Variants in MARCHF6 observed in about 807,000 individuals in gnomAD.
MARCHF6 encodes membrane associated ring-CH-type finger 6.
In MARCHF6, 31 loss-of-function variants were observed where a neutral mutation model predicts 133.7. The observed-to-expected ratio is 0.23, with a 90% CI of 0.17 to 0.31. MARCHF6 has a LOEUF of 0.31. Ranked by LOEUF, MARCHF6 falls within the 10% of genes least tolerant of loss-of-function variation. The probability of loss-of-function intolerance (pLI) is 1.00; values close to 1 mark genes in which losing one functional copy is unlikely to be tolerated. For missense variants in MARCHF6, 723 were observed against 1,121.6 expected, an observed-to-expected ratio of 0.64 and a Z score of 5.08; for synonymous variants, 395 against 402.5, an observed-to-expected ratio of 0.98 and a Z score of 0.22.
chr5:10,411,742 C>T (rs1739243889), intron 19 of MARCHF6, among the ~76,000 whole-genome samples: 1 of 152,196 alleles, frequency 6.6e-6, no homozygotes, highest in South Asian at 2.1e-4. Flanking sequence ...TCCCTGGGCT[C>T]TTGCTCCCTA....
At chr5:10,383,060 G>A (rs1018662106) in intron 4 of MARCHF6, among the ~76,000 whole-genome samples, 1 of 152,076 alleles carries the variant, frequency 6.6e-6, no homozygotes, top group Non-Finnish European at 1.5e-5. Flanking sequence ...TAAACTAAAT[G>A]TTTAATTAGT....
rs1166622418 is a variant in MARCHF6, at chr5:10,438,723, G to A, written c.*5039G>A. 1 of 152,224 alleles carries A rather than the reference G, an allele frequency of 6.6e-6. No homozygotes were observed. 9.4% of individuals were successfully genotyped at this position (152,224 alleles called of 1,614,324 possible). A position where few individuals can be genotyped will look rare whatever the true frequency, so the allele number is the denominator to read the frequency against. On this transcript the variant is annotated 3_prime_UTR_variant, in exon 26 of 26. Coordinates refer to ENST00000274140, the MANE Select transcript of MARCHF6 (RefSeq NM_005885.4). ...GGAACTCAGAATGGAACAGAAGCAT[G>A]AGCAAAAGATTGTATTACAGAGGTA...
intron 10 of MARCHF6, among the ~76,000 whole-genome samples, chr5:10,398,698 T>C (rs1164444417): frequency 6.6e-6 from 1 of 152,188 alleles, no homozygotes; most frequent in Non-Finnish European, 1.5e-5. Context: ...AAACATGAAT[T>C]ATACAAATAA....
At chr5:10,379,020 CTG>C (rs1020025039) in intron 3 of MARCHF6, among the ~76,000 whole-genome samples, 188 bp downstream of exon 3, 10 of 151,892 alleles carry the variant, frequency 6.6e-5, no homozygotes, top group African/African-American at 2.2e-4. Flanking sequence ...TTTTGAAAAA[CTG>C]TATGCTGTCT....
chr5:10,414,602 G>C (rs1244525545), intron 20 of MARCHF6, 100 bp downstream of exon 20: 1 of 938,100 alleles, frequency 1.1e-6, no homozygotes, highest in Admixed American at 2.1e-5. Context: ...GAGGGTAGTA[G>C]TATGATCATA....
chr5:10,359,981 G>C (rs1028000891), intron 1 of MARCHF6, among the ~76,000 whole-genome samples: 1 of 151,852 alleles, frequency 6.6e-6, no homozygotes, highest in Admixed American at 6.6e-5. Context: ...ACTCCAGCCT[G>C]GGCAACAGAG....
In MARCHF6 at chr5:10,363,035, A is replaced by T. The variant is rs145972068; in HGVS notation, c.19+9118A>T. ...AGCTATAGCTTGTACCATATACCAA[A>T]ATTAACTCAAAGGGCTGTTAGACCT... On this transcript the variant is annotated intron_variant, in intron 1 of 25. Coordinates refer to ENST00000274140, the MANE Select transcript of MARCHF6 (RefSeq NM_005885.4). Among the ~76,000 whole-genome samples, 1,435 of 152,314 alleles carry T rather than the reference A, an allele frequency of 9.4e-3. 8 individuals are homozygous for T. Among genetic ancestry groups the T allele is most frequent in the South Asian group, 0.039 (187 of 4,830 alleles).
intron 14 of MARCHF6, among the ~76,000 whole-genome samples, 174 bp from the exon 15 acceptor site, chr5:10,403,233 A>T (rs183649968): frequency 1.3e-5 from 2 of 152,346 alleles, no homozygotes; most frequent in East Asian, 3.9e-4. Flanking sequence ...TATTTGAAGC[A>T]GTAGCCAATC....
At chr5:10,359,466 GCATATAATACAGTACGCAATA>G (rs1456507018) in intron 1 of MARCHF6, among the ~76,000 whole-genome samples, 1 of 151,982 alleles carries the variant, frequency 6.6e-6, no homozygotes, top group Non-Finnish European at 1.5e-5. Flanking sequence ...TAAGAATGCA[GCATATAATACAGTACGCAATA>G]CATATAATAC....
chr5:10,403,334 C>A, intron 14 of MARCHF6, 73 bp from the exon 15 acceptor site: 2 of 1,445,880 alleles, frequency 1.4e-6, no homozygotes, highest in Non-Finnish European at 9.4e-7. Flanking sequence ...TATTTATTTC[C>A]TAGAAGATGA....
intron 22 of MARCHF6, among the ~76,000 whole-genome samples, chr5:10,419,034 T>G (rs1476105944): frequency 6.6e-6 from 1 of 152,222 alleles, no homozygotes; most frequent in Admixed American, 6.5e-5. Context: ...CAGACCTGGC[T>G]TGAGACAAGG....
In MARCHF6 at chr5:10,414,445, A is replaced by G; in HGVS notation, c.1909A>G (p.Ile637Val). 6.2e-7 allele frequency: 1 copy of G among 1,611,350 alleles called. No homozygotes were observed. The highest frequency in any genetic ancestry group is 8.5e-7 in the Non-Finnish European group (1 of 1,178,196). The change falls in exon 20 of 26, where the codon ATT becomes GTT. Residue 637 changes from isoleucine to valine, a missense_variant. Physicochemically the swap from Ile to Val is conservative, Grantham distance 29. Coordinates refer to ENST00000274140, the MANE Select transcript of MARCHF6 (RefSeq NM_005885.4). The stretch of plus-strand genomic sequence containing the variant: ...TTTTACTTTGCAGATATTTCTGTTG[A>G]TTGTCTTCATGTGTATAACATTACT... The part of the protein sequence containing the change: ...LNFPLRIFLL[I>V]VFMCITLLIA...
chr5:10,379,615 C>T (rs1281417321), intron 3 of MARCHF6, among the ~76,000 whole-genome samples: 1 of 152,070 alleles, frequency 6.6e-6, no homozygotes, highest in Non-Finnish European at 1.5e-5. Flanking sequence ...TGCCCACCAC[C>T]ACACCTGGCT....
chr5:10,363,067 AAAACCT>A (rs890918631), intron 1 of MARCHF6, among the ~76,000 whole-genome samples: 1 of 152,224 alleles, frequency 6.6e-6, no homozygotes, highest in Non-Finnish European at 1.5e-5. Context: ...ACCTCAATGA[AAAACCT>A]AAAACTATGA....
rs1740691363 is a variant in MARCHF6, at chr5:10,437,298, A to G, written c.*3614A>G. On this transcript the variant is annotated 3_prime_UTR_variant, in exon 26 of 26. Coordinates refer to ENST00000274140, the MANE Select transcript of MARCHF6 (RefSeq NM_005885.4). ...ATTATATTTAAAATACTTCTTTAGG[A>G]TGTTATTCAGCCATCAAAAAAAAAC... 6.6e-6 allele frequency: 1 copy of G among 152,098 alleles called. No homozygotes were observed. Among genetic ancestry groups the G allele is most frequent in the Non-Finnish European group, 1.5e-5 (1 of 68,020 alleles). The allele number at this position is 152,098 out of a possible 1,614,324, so 9.4% of individuals were successfully genotyped here. A position where few individuals can be genotyped will look rare whatever the true frequency, so the allele number is the denominator to read the frequency against.
chr5:10,359,954 C>T (rs951927402), intron 1 of MARCHF6, among the ~76,000 whole-genome samples: 17 of 151,672 alleles, frequency 1.1e-4, no homozygotes, highest in African/African-American at 3.9e-4. Context: ...TGCAGTCAGC[C>T]GAGATCGCGC....
At chr5:10,354,120 G>GGGGGGCGGGGACCCTGCCGGGCA (rs1735286142) in intron 1 of MARCHF6, 2 of 377,118 alleles carry the variant, frequency 5.3e-6, no homozygotes. Flanking sequence ...GCGCCGCCGA[G>GGGGGGCGGGGACCCTGCCGGGCA]GGGGGCGGGG....
rs1737520870 is a variant in MARCHF6, at chr5:10,387,021, G to C, written c.362G>C (p.Gly121Ala). 6.2e-7 allele frequency: 1 copy of C among 1,612,896 alleles called. No individual in the cohort carries two copies. The highest frequency in any genetic ancestry group is 8.5e-7 in the Non-Finnish European group (1 of 1,179,154). ...ACRIYKCLFT[G>A]SVSSLLTLPL... ...CGCATCTACAAGTGCTTGTTTACTG[G>C]CTCCGTGAGCTCACTACTGACGCTG... is the stretch of plus-strand genomic sequence containing the variant. The change falls in exon 5 of 26, where the codon GGC becomes GCC. Residue 121 changes from glycine (G) to alanine (A), a missense_variant. This residue lies in a region of MARCHF6 where 91 missense variants were observed against 208.8 expected (regional missense o/e 0.44). Coordinates refer to ENST00000274140, the MANE Select transcript of MARCHF6 (RefSeq NM_005885.4).
intron 1 of MARCHF6, among the ~76,000 whole-genome samples, chr5:10,356,674 G>A (rs1735496071): frequency 6.6e-6 from 1 of 152,234 alleles, no homozygotes; most frequent in African/African-American, 2.4e-5. Flanking sequence ...GGGATTACGA[G>A]CGTGAGCTAC....
Sources: allele counts gnomAD v4.1 joint callset (sites outside exome capture counted in the v4.1 genomes callset), GRCh38; gene constraint gnomAD v4.1.1; regional missense constraint gnomAD v4.1.1; transcripts MANE v1.5; gene names NCBI Gene and HGNC (gene_info 2026-07-23, HGNC 2026-07-21).